The following PTPN4 variants were observed in gnomAD, a reference collection of about 807,000 sequenced individuals.
PTPN4 encodes tyrosine-protein phosphatase non-receptor type 4.
A neutral mutation model predicts 135.5 loss-of-function variants in PTPN4; 49 were observed. The observed-to-expected ratio is 0.36, with a 90% CI of 0.29 to 0.46. The LOEUF (loss-of-function observed/expected upper bound fraction) is 0.46. Among genes scored for constraint, PTPN4 ranks in the 20% least tolerant of loss-of-function variants. PTPN4 has a pLI of 1.00. For synonymous variants in PTPN4, 333 were observed against 369.9 expected (o/e 0.90, Z 1.14); for missense variants, 860 against 1,101.0 (o/e 0.78, Z 3.10).
chr2:119,867,605 C>T (rs1436126794), intron 3 of PTPN4, among the ~76,000 whole-genome samples: 1 of 152,090 alleles, frequency 6.6e-6, no homozygotes, highest in Non-Finnish European at 1.5e-5. Flanking sequence ...CTGTACCCTT[C>T]CTGAACTCAC....
chr2:119,859,078 T>C (rs768307197), intron 2 of PTPN4, among the ~76,000 whole-genome samples: 24 of 152,326 alleles, frequency 1.6e-4, no homozygotes, highest in Admixed American at 3.3e-4. Flanking sequence ...TTATATAATT[T>C]GCATTTGGTT....
At chr2:119,894,521 A>G (rs1678289393) in intron 9 of PTPN4, among the ~76,000 whole-genome samples, 1 of 152,234 alleles carries the variant, frequency 6.6e-6, no homozygotes, top group South Asian at 2.1e-4. Flanking sequence ...ATACTCCATT[A>G]GGCCTATATA....
chr2:119,976,146 C>G (rs902865006), intron 26 of PTPN4, among the ~76,000 whole-genome samples: 2 of 151,736 alleles, frequency 1.3e-5, no homozygotes, highest in Admixed American at 6.6e-5. Flanking sequence ...CAGGCACCCA[C>G]TACCACGCCC....
chr2:119,868,253 G>A (rs1016891775), intron 3 of PTPN4, among the ~76,000 whole-genome samples: 3 of 152,096 alleles, frequency 2.0e-5, no homozygotes, highest in African/African-American at 7.2e-5. Flanking sequence ...TCTAGAAGTA[G>A]TATACCCACT....
intron 1 of PTPN4, among the ~76,000 whole-genome samples, chr2:119,799,748 A>G (rs1390069644): frequency 2.0e-5 from 3 of 152,218 alleles, no homozygotes; most frequent in African/African-American, 7.2e-5. Flanking sequence ...AAGAAGGAAA[A>G]GACGTTAAAG....
chr2:119,855,406 C>T (rs74808246), intron 2 of PTPN4, among the ~76,000 whole-genome samples: 13,198 of 152,108 alleles, frequency 0.087, 718 homozygotes, highest in Middle Eastern at 0.18. Flanking sequence ...ATCCAGGAGC[C>T]GCAAAGAAAA....
In PTPN4 at chr2:119,965,593, C is replaced by T; in HGVS notation, c.2506C>T (p.His836Tyr). 6.2e-7 allele frequency: 1 copy of T among 1,614,078 alleles called. No individual in the cohort carries two copies. The highest frequency in any genetic ancestry group is 1.1e-5 in the South Asian group (1 of 91,070). ...GAGTGACTTTCTAGATTTTGTTTGT[C>T]ATGTACGAAACAAGAGGGCTGGCAA... ...DSSDFLDFVCHVRNKRAGKEE... is the reference protein window; with the variant it reads ...DSSDFLDFVCYVRNKRAGKEE... Residue 836 changes from histidine (H) to tyrosine (Y), a missense_variant, in exon 25 of 27, where the codon CAT becomes TAT. This residue lies in a region of PTPN4 where 176 missense variants were observed against 294.1 expected (regional missense o/e 0.60). Transcript: ENST00000263708.
intron 1 of PTPN4, among the ~76,000 whole-genome samples, chr2:119,785,271 A>G (rs538226999): frequency 3.9e-5 from 6 of 152,336 alleles, no homozygotes; most frequent in African/African-American, 1.4e-4. Context: ...TGGACCAGCC[A>G]CATTGATATC....
In PTPN4 at chr2:119,946,597, A is replaced by G; in HGVS notation, c.1656+23A>G. 2.0e-6 allele frequency: 3 copies of G among 1,512,152 alleles called. No homozygotes were observed. The South Asian group carries it at 3.5e-5, about 18-fold the overall frequency. The allele number at this position is 1,512,152 out of a possible 1,614,324, so 93.7% of individuals were successfully genotyped here. ...CCTGTGAGTTATCTAAATGTTTCAA[A>G]TAAATCCTGTTTTCAAGAATATGTA... On this transcript the variant is annotated intron_variant, in intron 18 of 26. Transcript: ENST00000263708.
chr2:119,976,209 G>T (rs1032377339), intron 26 of PTPN4, among the ~76,000 whole-genome samples: 1 of 151,862 alleles, frequency 6.6e-6, no homozygotes, highest in Admixed American at 6.6e-5. Flanking sequence ...GTGTTAGCCA[G>T]GATGGTCTCG....
intron 2 of PTPN4, among the ~76,000 whole-genome samples, chr2:119,858,322 C>CT (rs562739357): frequency 7.4e-4 from 113 of 152,116 alleles, no homozygotes; most frequent in Non-Finnish European, 1.5e-3. Flanking sequence ...TTGGTAATTT[C>CT]TTTTTTTAAG....
At chr2:119,848,006 A>G (rs1026453344) in intron 2 of PTPN4, among the ~76,000 whole-genome samples, 4 of 149,248 alleles carry the variant, frequency 2.7e-5, no homozygotes, top group African/African-American at 7.4e-5. Context: ...TGCTTTCAAG[A>G]TATTCTTTGT....
chr2:119,929,704 G>T (rs531747106), intron 13 of PTPN4, among the ~76,000 whole-genome samples: 6 of 152,250 alleles, frequency 3.9e-5, no homozygotes, highest in African/African-American at 1.4e-4. Context: ...CAGCAAGCTT[G>T]AGTGGGTGGG....
At chr2:119,876,177 A>G (rs1574382445) in intron 3 of PTPN4, among the ~76,000 whole-genome samples, 1 of 152,174 alleles carries the variant, frequency 6.6e-6, no homozygotes, top group Non-Finnish European at 1.5e-5. Context: ...CTGTAGTGTA[A>G]GGACTTTGGA....
chr2:119,940,546 A>G (rs139837694), intron 15 of PTPN4, among the ~76,000 whole-genome samples: 93 of 152,162 alleles, frequency 6.1e-4, no homozygotes, highest in African/African-American at 2.0e-3. Context: ...GCCTCAAACT[A>G]CTGTTCTTGA....
intron 10 of PTPN4, among the ~76,000 whole-genome samples, chr2:119,911,543 A>G (rs1027220981): frequency 5.3e-5 from 8 of 152,188 alleles, no homozygotes; most frequent in African/African-American, 1.9e-4. Flanking sequence ...TGCTAATATT[A>G]TACAAAATGG....
intron 3 of PTPN4, among the ~76,000 whole-genome samples, chr2:119,876,971 T>G (rs544745533): frequency 6.1e-5 from 9 of 147,816 alleles, no homozygotes; most frequent in Non-Finnish European, 1.0e-4. Context: ...TTTGAAAACT[T>G]GCCAGACTTT....
chr2:119,909,969 CAAAG>C (rs1321345342), intron 10 of PTPN4, among the ~76,000 whole-genome samples: 2 of 152,006 alleles, frequency 1.3e-5, no homozygotes, highest in Non-Finnish European at 2.9e-5. Flanking sequence ...TATGGATGAG[CAAAG>C]AAAGTGATTT....
intron 1 of PTPN4, among the ~76,000 whole-genome samples, chr2:119,803,496 G>A (rs1172248991): frequency 6.6e-6 from 1 of 152,084 alleles, no homozygotes; most frequent in Non-Finnish European, 1.5e-5. Context: ...TTCTGTTGTT[G>A]ATTTCTGGTT....
Sources: allele counts gnomAD v4.1 joint callset (sites outside exome capture counted in the v4.1 genomes callset), GRCh38; gene constraint gnomAD v4.1.1; regional missense constraint gnomAD v4.1.1; transcripts MANE v1.5; gene names NCBI Gene and HGNC (gene_info 2026-07-23, HGNC 2026-07-21).